Variants in HCFC2 observed in about 807,000 individuals in gnomAD.
HCFC2 encodes the protein host cell factor C2, also known as host cell factor 2.
Under a neutral mutation model 89.2 loss-of-function variants are expected in HCFC2, and 18 were observed. The ratio of observed to expected loss-of-function variants is 0.20; its 90% CI spans 0.14 to 0.30. HCFC2 has a LOEUF of 0.30. Ranked by LOEUF, HCFC2 falls within the 10% of genes least tolerant of loss-of-function variation. The pLI is 1.00. For synonymous variants in HCFC2, 308 were observed against 335.7 expected, an observed-to-expected ratio of 0.92 and a Z score of 0.90; for missense variants, 578 against 956.1, an observed-to-expected ratio of 0.60 and a Z score of 5.21.
chr12:104,097,750 A>G (rs1388577340), intron 12 of HCFC2: 1 of 486,056 alleles, frequency 2.1e-6, no homozygotes, highest in Non-Finnish European at 2.7e-6. Flanking sequence ...AGGTAGAGGA[A>G]GTTTATTTGT....
chr12:104,097,309 A>G (rs747844039), intron 12 of HCFC2, among the ~76,000 whole-genome samples: 1 of 151,978 alleles, frequency 6.6e-6, no homozygotes, highest in Non-Finnish European at 1.5e-5. Flanking sequence ...CAGAATGTTA[A>G]GTTCTAGTGT....
At chr12:104,084,057 A>G (rs976693771) in intron 7 of HCFC2, among the ~76,000 whole-genome samples, 1 of 152,180 alleles carries the variant, frequency 6.6e-6, no homozygotes, top group Non-Finnish European at 1.5e-5. Flanking sequence ...TTAAAGCACC[A>G]AAATTTTTAA....
intron 3 of HCFC2, among the ~76,000 whole-genome samples, chr12:104,075,439 T>C (rs2136601514): frequency 6.7e-6 from 1 of 149,018 alleles, no homozygotes; most frequent in East Asian, 2.0e-4. Context: ...TCCATTTCTT[T>C]CAACTTTTGT....
rs2030083569 is a variant in HCFC2 at position 104,106,337 on chromosome 12, C to A, written c.*3064C>A. On this transcript the variant is annotated 3_prime_UTR_variant, in exon 15 of 15. Transcript: ENST00000229330. ...TCATTTGTAACATTGGATATGAAGA[C>A]ATTATTAGTATTTAAAATTATTGTA... 1 of 152,044 alleles carries A rather than the reference C, an allele frequency of 6.6e-6. No individual in the cohort carries two copies. Among genetic ancestry groups the A allele is most frequent in the Admixed American group, 6.5e-5 (1 of 15,272 alleles). 9.4% of individuals were successfully genotyped at this position (152,044 alleles called of 1,614,324 possible).
intron 3 of HCFC2, among the ~76,000 whole-genome samples, chr12:104,078,554 A>C (rs138513791): frequency 1.3e-5 from 2 of 152,218 alleles, no homozygotes; most frequent in Admixed American, 1.3e-4. Context: ...CATTGCTATG[A>C]CATTATAGTG....
intron 3 of HCFC2, among the ~76,000 whole-genome samples, chr12:104,075,457 C>T (rs1267732294): frequency 1.7e-5 from 2 of 118,054 alleles, no homozygotes; most frequent in South Asian, 2.8e-4. Context: ...TGTTCCTAAC[C>T]TTTTTTTTTT....
At chr12:104,087,071 C>T (rs1566232092) in intron 8 of HCFC2, 57 bp downstream of exon 8, 28 of 1,562,582 alleles carry the variant, frequency 1.8e-5, no homozygotes, top group Non-Finnish European at 2.4e-5. Context: ...AAAATATATA[C>T]TGGCCGGGCG....
intron 9 of HCFC2, among the ~76,000 whole-genome samples, chr12:104,091,176 G>A (rs531466564): frequency 6.6e-6 from 1 of 152,284 alleles, no homozygotes; most frequent in South Asian, 2.1e-4. Flanking sequence ...GAGCGATACC[G>A]TAGCGTAGTC....
intron 3 of HCFC2, among the ~76,000 whole-genome samples, chr12:104,076,704 G>A (rs1182331323): frequency 6.8e-6 from 1 of 146,346 alleles, no homozygotes; most frequent in Non-Finnish European, 1.5e-5. Context: ...CTGCATTCCT[G>A]CCCCCACCAC....
At chr12:104,078,533 G>C (rs913004087) in intron 3 of HCFC2, among the ~76,000 whole-genome samples, 1 of 152,170 alleles carries the variant, frequency 6.6e-6, no homozygotes, top group African/African-American at 2.4e-5. Flanking sequence ...AAGTTAAAAA[G>C]CTATGTAGGA....
intron 9 of HCFC2, 90 bp downstream of exon 9, chr12:104,088,128 G>A: frequency 1.3e-6 from 1 of 794,186 alleles, no homozygotes; most frequent in African/African-American, 1.8e-5. Context: ...TACTCTAGAA[G>A]AGGGGTCCTT....
intron 12 of HCFC2, chr12:104,097,629 A>G: frequency 1.1e-6 from 1 of 942,158 alleles, no homozygotes; most frequent in Non-Finnish European, 1.3e-6. Context: ...AAATAACTGA[A>G]GTGCACATTT....
Position 104,079,657 on chromosome 12 carries a change from A to G in HCFC2, c.682+4A>G. ...GACCTATGGCAGCTTGACTTAGGTA[A>G]GTTTAACTTGATTCAGGCTCAGGAA... is the stretch of plus-strand genomic sequence containing the variant. On this transcript the variant is annotated splice_donor_region_variant and intron_variant, in intron 4 of 14. Transcript: ENST00000229330. 1 of 1,609,502 alleles carries G rather than the reference A, an allele frequency of 6.2e-7. No homozygotes were observed.
At chr12:104,102,867 A>G (rs2136631654) in intron 14 of HCFC2, 92 bp from the exon 15 acceptor site, 1 of 1,080,342 alleles carries the variant, frequency 9.3e-7, no homozygotes, top group Middle Eastern at 2.9e-4. Context: ...GTAAAAATGA[A>G]CATTTTGTAT....
rs765202114 is a variant in HCFC2, at chr12:104,082,905, G to T, written c.1063+4G>T. The T allele has an allele frequency of 2.6e-5, 41 of 1,579,994 alleles. 1 individual carries two copies. The Middle Eastern group carries it at 6.1e-3, about 235-fold the overall frequency. On this transcript the variant is annotated splice_donor_region_variant and intron_variant, in intron 7 of 14. Coordinates refer to ENST00000229330, the MANE Select transcript of HCFC2 (RefSeq NM_013320.3). ...GATCTTTGGTATCTTGATACTGGTA[G>T]GTAAGAATATTTAACAAATAAACTT...
At chr12:104,098,961 C>A (rs1339498042) in intron 13 of HCFC2, among the ~76,000 whole-genome samples, 2 of 151,712 alleles carry the variant, frequency 1.3e-5, no homozygotes, top group African/African-American at 4.8e-5. Context: ...GATGGTGCCA[C>A]TGCACTCCAG....
chr12:104,066,368 A>T (rs1293692758), intron 2 of HCFC2, 53 bp downstream of exon 2: 1 of 1,375,838 alleles, frequency 7.3e-7, no homozygotes, highest in African/African-American at 1.5e-5. Flanking sequence ...GATATTGTTC[A>T]TAATTTTTCA....
chr12:104,072,368 T>TAAAAA (rs35741120), intron 3 of HCFC2, among the ~76,000 whole-genome samples: 9 of 135,774 alleles, frequency 6.6e-5, no homozygotes, highest in African/African-American at 2.5e-4. Context: ...CAAGACTGTT[T>TAAAAA]AAAAAAAAAA....
Position 104,067,980 on chromosome 12 carries a change from C to T in HCFC2, c.346C>T (p.His116Tyr), listed in dbSNP as rs759566755. 6 of 1,602,582 alleles carry T rather than the reference C, an allele frequency of 3.7e-6. No homozygotes were observed. The Admixed American group carries it at 1.0e-4, about 28-fold the overall frequency. ...SRWLWKKVKP[H>Y]PPPSGLPPCP... is the part of the protein sequence containing the mutation. ...TTGGTTATGGAAAAAAGTGAAACCC[C>T]ATCCCCCTCCTTCTGGTTTACCTCC... Residue 116 changes from histidine (H) to tyrosine (Y), a missense_variant, in exon 3 of 15, where the codon CAT becomes TAT. His to Tyr is a moderately conservative substitution (Grantham distance 83). Around this residue, in one of 4 missense-constraint regions of HCFC2, gnomAD observed 206 missense variants for 419.2 expected, o/e 0.49. Transcript: ENST00000229330.
Sources: allele counts gnomAD v4.1 joint callset (sites outside exome capture counted in the v4.1 genomes callset), GRCh38; gene constraint gnomAD v4.1.1; regional missense constraint gnomAD v4.1.1; transcripts MANE v1.5; gene names NCBI Gene and HGNC (gene_info 2026-07-23, HGNC 2026-07-21).